Variants in IMPACT observed in about 807,000 individuals in gnomAD.
IMPACT encodes the protein impact RWD domain protein, also known as protein IMPACT.
Under a neutral mutation model 47.5 loss-of-function variants are expected in IMPACT, and 35 were observed. That is an observed-to-expected ratio of 0.74 (90% CI 0.56 to 0.98). The LOEUF (loss-of-function observed/expected upper bound fraction) is 0.98. Ranked by LOEUF, IMPACT falls within the 50% of genes least tolerant of loss-of-function variation. The probability of loss-of-function intolerance (pLI) is 0.00; values close to 1 mark genes in which losing one functional copy is unlikely to be tolerated. For synonymous variants in IMPACT, 118 were observed against 125.6 expected (o/e 0.94, Z 0.40); for missense variants, 373 against 394.8 (o/e 0.94, Z 0.47).
intron 6 of IMPACT, 23 bp downstream of exon 6, chr18:24,440,641 C>A: frequency 6.3e-7 from 1 of 1,582,364 alleles, no homozygotes; most frequent in Non-Finnish European, 8.6e-7. Context: ...TAACTAATTT[C>A]TTTTGAGGAG....
rs759793846 is a variant in IMPACT at position 24,450,738 on chromosome 18, T to G, written c.895-41T>G. The G allele has an allele frequency of 1.2e-5, 15 of 1,290,280 alleles. No homozygotes were observed. The South Asian group carries it at 1.5e-4, about 13-fold the overall frequency. 79.9% of individuals were successfully genotyped at this position (1,290,280 alleles called of 1,614,324 possible). On this transcript the variant is annotated intron_variant, in intron 10 of 10. Transcript: ENST00000284202. ...GATTAGATTGAAGATTTCATCTTTA[T>G]GTAAATGGAGAGATGCTGCACTGAT...
At chr18:24,435,526 G>A (rs589880) in intron 4 of IMPACT, 140,010 of 152,240 alleles carry the variant, frequency 0.92, 64,577 homozygotes, top group Admixed American at 0.95. Context: ...GGCATGTTAG[G>A]TTTTAATGTT....
rs1251459056 is a variant in IMPACT, at chr18:24,435,990, A to T, written c.282-1965A>T. Among the ~76,000 whole-genome samples the T allele has an allele frequency of 2.6e-5, 4 of 152,270 alleles. No individual in the cohort carries two copies. The East Asian group carries it at 7.7e-4, about 29-fold the overall frequency. On this transcript the variant is annotated intron_variant, in intron 4 of 10. Coordinates refer to ENST00000284202, the MANE Select transcript of IMPACT (RefSeq NM_018439.4). ...TGTAAAAAGATTTACATATATCTCA[A>T]AGAGATGGAGAAGGAATTTACAATG...
At chr18:24,448,288 A>G (rs1451175142) in intron 9 of IMPACT, 105 bp downstream of exon 9, 3 of 622,314 alleles carry the variant, frequency 4.8e-6, no homozygotes, top group Admixed American at 2.7e-5. Context: ...ACTATGTAAC[A>G]TAAGATATAT....
chr18:24,449,744 T>G (rs1317493646), intron 9 of IMPACT, 75 bp from the exon 10 acceptor site: 13 of 1,381,242 alleles, frequency 9.4e-6, no homozygotes, highest in Non-Finnish European at 1.1e-5. Context: ...CATGGGTTAT[T>G]TCATTCTCCT....
rs1568084411 is a variant in IMPACT, at chr18:24,428,059, C to T, written c.165+12C>T. On this transcript the variant is annotated intron_variant, in intron 2 of 10. Transcript: ENST00000284202. ...CACTTTGCTTGCAGGTACTTTTTCC[C>T]CCTTCCTTGCAGCCATCTTTCAGTT... is the stretch of plus-strand genomic sequence containing the variant. 2 of 1,564,680 alleles carry T rather than the reference C, an allele frequency of 1.3e-6. No individual in the cohort carries two copies. Among genetic ancestry groups the T allele is most frequent in the East Asian group, 2.3e-5 (1 of 43,198 alleles).
Position 24,448,202 on chromosome 18 carries a change from A to C in IMPACT, c.759+19A>C. 6.5e-7 allele frequency: 1 copy of C among 1,547,612 alleles called. No individual in the cohort carries two copies. On this transcript the variant is annotated intron_variant, in intron 9 of 10. Transcript: ENST00000284202. Reference sequence around the variant, plus strand: ...CATGGAGGTAGGTGTAAGTTAAACTATCAATCCTGTTCTGTACAAGCCATA... The same window carrying C: ...CATGGAGGTAGGTGTAAGTTAAACTCTCAATCCTGTTCTGTACAAGCCATA...
chr18:24,444,896 T>C lies in IMPACT; in HGVS notation c.595-497T>C, dbSNP rs114325857. Among the ~76,000 whole-genome samples, 143 of 152,338 alleles carry C rather than the reference T, an allele frequency of 9.4e-4. 1 individual carries two copies. Among genetic ancestry groups the C allele is most frequent in the African/African-American group, 3.2e-3 (133 of 41,580 alleles). On this transcript the variant is annotated intron_variant, in intron 7 of 10. Coordinates refer to ENST00000284202, the MANE Select transcript of IMPACT (RefSeq NM_018439.4). ...CCTATTCTCTGTGTGGAATGTCTTC[T>C]TCCTGCCCCATCTTTCCTTTTGATG...
At chr18:24,430,169 A>G (rs1908715956) in intron 3 of IMPACT, among the ~76,000 whole-genome samples, 153 bp from the exon 4 acceptor site, 1 of 152,224 alleles carries the variant, frequency 6.6e-6, no homozygotes, top group South Asian at 2.1e-4. Flanking sequence ...TGCTAATGAA[A>G]GCATTTTGCA....
Position 24,451,053 on chromosome 18 carries a change from T to C in IMPACT, c.*206T>C. 2.6e-6 allele frequency: 1 copy of C among 384,934 alleles called. No homozygotes were observed. The highest frequency in any genetic ancestry group is 4.7e-6 in the Non-Finnish European group (1 of 210,784). The allele number at this position is 384,934 out of a possible 1,614,324, so 23.8% of individuals were successfully genotyped here. The stretch of plus-strand genomic sequence containing the variant: ...CTATTCATGTGTGTTTCAGGCTTAT[T>C]TGGGAGAACTAATTTGAACTTAATC... On this transcript the variant is annotated 3_prime_UTR_variant, in exon 11 of 11. Coordinates refer to ENST00000284202, the MANE Select transcript of IMPACT (RefSeq NM_018439.4).
intron 4 of IMPACT, among the ~76,000 whole-genome samples, chr18:24,430,940 A>AT (rs1908739675): frequency 1.3e-5 from 2 of 152,332 alleles, no homozygotes; most frequent in East Asian, 3.9e-4. Flanking sequence ...TTTCCCTTGT[A>AT]TTAGGCCATA....
At chr18:24,434,718 G>A (rs1476518777) in intron 4 of IMPACT, among the ~76,000 whole-genome samples, 2 of 145,370 alleles carry the variant, frequency 1.4e-5, no homozygotes, top group South Asian at 2.1e-4. Flanking sequence ...AGCTGAGATC[G>A]TGCCATTGCA....
chr18:24,429,762 CAT>C (rs934379077), intron 3 of IMPACT, among the ~76,000 whole-genome samples: 1 of 150,322 alleles, frequency 6.7e-6, no homozygotes, highest in Non-Finnish European at 1.5e-5. Flanking sequence ...TTCTTATAAA[CAT>C]AAATGTCCTT....
At chr18:24,432,078 C>T (rs930178652) in intron 4 of IMPACT, among the ~76,000 whole-genome samples, 1 of 152,108 alleles carries the variant, frequency 6.6e-6, no homozygotes, top group African/African-American at 2.4e-5. Flanking sequence ...TCTCAAACTC[C>T]TGGCCTCAAG....
At chr18:24,434,872 GTATATATA>G (rs1310429319) in intron 4 of IMPACT, among the ~76,000 whole-genome samples, 2 of 114,268 alleles carry the variant, frequency 1.8e-5, no homozygotes, top group African/African-American at 3.9e-5. Flanking sequence ...ATATATATGT[GTATATATA>G]TGTGTATATA....
At chr18:24,434,178 TA>T (rs1333547760) in intron 4 of IMPACT, among the ~76,000 whole-genome samples, 2 of 151,972 alleles carry the variant, frequency 1.3e-5, no homozygotes, top group African/African-American at 4.8e-5. Context: ...TCCCCATCTC[TA>T]TAGAAATTAA....
intron 7 of IMPACT, among the ~76,000 whole-genome samples, chr18:24,444,083 C>T (rs1460762541): frequency 1.3e-5 from 2 of 152,142 alleles, no homozygotes; most frequent in East Asian, 3.8e-4. Flanking sequence ...TTCTTTTCTG[C>T]GTTGACTTGT....
At chr18:24,444,530 T>G (rs949754176) in intron 7 of IMPACT, among the ~76,000 whole-genome samples, 2 of 152,218 alleles carry the variant, frequency 1.3e-5, no homozygotes, top group Non-Finnish European at 2.9e-5. Context: ...TAATCTTTGC[T>G]GATTTCCAAT....
chr18:24,442,955 T>C (rs2144344712), intron 6 of IMPACT, 94 bp from the exon 7 acceptor site: 1 of 619,162 alleles, frequency 1.6e-6, no homozygotes, highest in African/African-American at 1.9e-5. Context: ...TGCCATGTAA[T>C]TTACATTTCT....
Sources: allele counts gnomAD v4.1 joint callset (sites outside exome capture counted in the v4.1 genomes callset), GRCh38; gene constraint gnomAD v4.1.1; transcripts MANE v1.5; gene names NCBI Gene and HGNC (gene_info 2026-07-23, HGNC 2026-07-21).